The following INPP5D variants were observed in gnomAD, a reference collection of about 807,000 sequenced individuals.
The protein encoded by INPP5D is inositol polyphosphate-5-phosphatase D.
A neutral mutation model predicts 122.9 loss-of-function variants in INPP5D; 33 were observed. The ratio of observed to expected loss-of-function variants is 0.27; its 90% CI spans 0.20 to 0.36. The LOEUF (loss-of-function observed/expected upper bound fraction) is 0.36, where lower values mean the gene tolerates loss of function less well. INPP5D is among the 10% of genes least tolerant of loss of function. The probability of loss-of-function intolerance (pLI) is 1.00; values close to 1 mark genes in which losing one functional copy is unlikely to be tolerated. For missense variants in INPP5D, 1,053 were observed against 1,412.7 expected, an observed-to-expected ratio of 0.75 and a Z score of 4.08; for synonymous variants, 584 against 576.2, an observed-to-expected ratio of 1.01 and a Z score of -0.19.
chr2:233,203,994 A>G, intron 25 of INPP5D, 132 bp from the exon 26 acceptor site: 1 of 1,355,268 alleles, frequency 7.4e-7, no homozygotes, highest in East Asian at 2.9e-5. Context: ...GTAAATTTGC[A>G]ATGTTACATG....
At position 233,163,703 on chromosome 2, in the gene INPP5D, G is replaced by A. The variant is rs1417493059; in HGVS notation, c.1241-4G>A. 3 of 1,613,546 alleles carry A rather than the reference G, an allele frequency of 1.9e-6. No individual in the cohort carries two copies. Among genetic ancestry groups the A allele is most frequent in the Admixed American group, 3.3e-5 (2 of 59,910 alleles). On this transcript the variant is annotated splice_region_variant and splice_polypyrimidine_tract_variant and intron_variant, in intron 11 of 26. Coordinates refer to ENST00000445964, the MANE Select transcript of INPP5D (RefSeq NM_001017915.3). ...TCACTTGGTGTTGGGTTTTGCTGTT[G>A]AAGGTAACGCCCCCCCTCCCAAGAA...
chr2:233,151,606 G>A (rs754093491), intron 9 of INPP5D, among the ~76,000 whole-genome samples: 4 of 152,206 alleles, frequency 2.6e-5, no homozygotes, highest in Non-Finnish European at 4.4e-5. Flanking sequence ...CAGCAAGTGC[G>A]TGCTCAGGGA....
At chr2:233,167,783 T>C (rs1426321132) in intron 13 of INPP5D, among the ~76,000 whole-genome samples, 3 of 152,096 alleles carry the variant, frequency 2.0e-5, no homozygotes, top group East Asian at 1.9e-4. Flanking sequence ...GGCAGGCAGA[T>C]TGCCAGAGCT....
chr2:233,080,613 G>C (rs1375113851), intron 2 of INPP5D, among the ~76,000 whole-genome samples: 2 of 152,176 alleles, frequency 1.3e-5, no homozygotes, highest in African/African-American at 2.4e-5. Context: ...GAGTTTGTTT[G>C]AAAAGAAAGT....
intron 3 of INPP5D, among the ~76,000 whole-genome samples, chr2:233,123,543 C>T (rs773665024): frequency 2.6e-5 from 4 of 151,984 alleles, no homozygotes; most frequent in Non-Finnish European, 5.9e-5. Flanking sequence ...AATAGAGCAA[C>T]AGTCAGATGG....
chr2:233,083,492 C>A (rs909686140), intron 2 of INPP5D, among the ~76,000 whole-genome samples: 2 of 152,190 alleles, frequency 1.3e-5, no homozygotes, highest in Admixed American at 6.5e-5. Context: ...GTGCTCTGAG[C>A]CCTGTGTGAG....
At chr2:233,169,905 G>T in intron 14 of INPP5D, 121 bp from the exon 15 acceptor site, 1 of 1,550,394 alleles carries the variant, frequency 6.4e-7, no homozygotes, top group Non-Finnish European at 8.8e-7. Flanking sequence ...GGAGGGCTAA[G>T]TCTCACTTCC....
At chr2:233,123,158 A>G (rs577588561) in intron 3 of INPP5D, among the ~76,000 whole-genome samples, 1 of 152,310 alleles carries the variant, frequency 6.6e-6, no homozygotes, top group East Asian at 1.9e-4. Flanking sequence ...ATATGTTGAA[A>G]AAAATGTACA....
chr2:233,069,207 C>T (rs545619409), intron 1 of INPP5D, among the ~76,000 whole-genome samples: 1 of 152,340 alleles, frequency 6.6e-6, no homozygotes, highest in African/African-American at 2.4e-5. Context: ...TCAATACTTA[C>T]TGTAAACAAC....
At chr2:233,178,730 C>T (rs781687801) in intron 18 of INPP5D, among the ~76,000 whole-genome samples, 10 of 152,246 alleles carry the variant, frequency 6.6e-5, no homozygotes, top group South Asian at 2.1e-4. Flanking sequence ...GTGATCCACC[C>T]GCCTCAGCCT....
chr2:233,164,215 C>T lies in INPP5D; in HGVS notation c.1438-92C>T. ...GATTACAGACAGGATACCCCATACCCAGGGGCTGCGGCTGGGGCTGGGTGT... is the reference window on the plus strand; with the variant it reads ...GATTACAGACAGGATACCCCATACCTAGGGGCTGCGGCTGGGGCTGGGTGT... On this transcript the variant is annotated intron_variant, in intron 12 of 26. Coordinates refer to ENST00000445964, the MANE Select transcript of INPP5D (RefSeq NM_001017915.3). This position sits in a 1 kb window ranked among gnomAD's most constrained non-coding sequence, Gnocchi z 4.3. 6.8e-7 allele frequency: 1 copy of T among 1,471,356 alleles called. No homozygotes were observed. The highest frequency in any genetic ancestry group is 9.0e-7 in the Non-Finnish European group (1 of 1,107,866). The allele number at this position is 1,471,356 out of a possible 1,614,324, so 91.1% of individuals were successfully genotyped here.
intron 4 of INPP5D, among the ~76,000 whole-genome samples, chr2:233,129,822 T>C (rs1693265764): frequency 6.6e-6 from 1 of 152,108 alleles, no homozygotes; most frequent in South Asian, 2.1e-4. Context: ...GATCCTATCT[T>C]TATAAGTAGA....
intron 9 of INPP5D, among the ~76,000 whole-genome samples, chr2:233,157,321 C>A (rs1415051747): frequency 6.6e-6 from 1 of 152,008 alleles, no homozygotes; most frequent in African/African-American, 2.4e-5. Flanking sequence ...AGTCACCAGT[C>A]CAGAGAAGAC....
chr2:233,116,742 G>C (rs978344583), intron 2 of INPP5D, among the ~76,000 whole-genome samples: 8 of 152,024 alleles, frequency 5.3e-5, no homozygotes, highest in African/African-American at 1.9e-4. Context: ...GATTACAGGC[G>C]CCTGCCACTG....
chr2:233,123,960 A>G (rs756111283), intron 3 of INPP5D, among the ~76,000 whole-genome samples: 2 of 152,160 alleles, frequency 1.3e-5, no homozygotes, highest in Admixed American at 1.3e-4. Context: ...ACTGGAGCCT[A>G]CCTGAGGGGG....
intron 2 of INPP5D, among the ~76,000 whole-genome samples, chr2:233,095,348 A>C (rs550211927): frequency 1.3e-5 from 2 of 152,298 alleles, no homozygotes; most frequent in African/African-American, 4.8e-5. Context: ...GGCCAGGCGC[A>C]GTGGCCCACG....
intron 2 of INPP5D, among the ~76,000 whole-genome samples, chr2:233,106,446 A>G (rs1471776468): frequency 6.6e-6 from 1 of 152,190 alleles, no homozygotes; most frequent in Non-Finnish European, 1.5e-5. Context: ...TCAGCTCAGA[A>G]CTGGTGCTTT....
intron 2 of INPP5D, among the ~76,000 whole-genome samples, chr2:233,110,433 C>G (rs150032586): frequency 2.6e-5 from 4 of 151,904 alleles, no homozygotes; most frequent in Non-Finnish European, 5.9e-5. Context: ...CTCCTGGGCT[C>G]GAGCGATCTT....
chr2:233,145,219 A>G (rs1163472769), intron 6 of INPP5D: 2 of 456,096 alleles, frequency 4.4e-6, no homozygotes, highest in Non-Finnish European at 8.8e-6. Flanking sequence ...GAGACCATGT[A>G]CTTGGCATCA....
Sources: allele counts gnomAD v4.1 joint callset (sites outside exome capture counted in the v4.1 genomes callset), GRCh38; gene constraint gnomAD v4.1.1; non-coding constraint Gnocchi (gnomAD v3.1); transcripts MANE v1.5; gene names NCBI Gene and HGNC (gene_info 2026-07-23, HGNC 2026-07-21).